Variants in MIA2 observed in about 807,000 individuals in gnomAD.
MIA2 encodes the protein melanoma inhibitory activity protein 2.
Under a neutral mutation model 167.8 loss-of-function variants are expected in MIA2, and 127 were observed. The observed-to-expected ratio is 0.76, with a 90% CI of 0.66 to 0.88. The LOEUF (loss-of-function observed/expected upper bound fraction) is 0.88. Among genes scored for constraint, MIA2 ranks in the 40% least tolerant of loss-of-function variants. The pLI, the probability that MIA2 is intolerant of heterozygous loss-of-function variation, is 0.00. For synonymous variants in MIA2, 552 were observed against 541.9 expected (o/e 1.02, Z -0.26); for missense variants, 1,690 against 1,624.7 (o/e 1.04, Z -0.69).
At chr14:39,249,068 T>C (rs1190934724) in intron 4 of MIA2, among the ~76,000 whole-genome samples, 3 of 152,176 alleles carry the variant, frequency 2.0e-5, no homozygotes, top group Non-Finnish European at 4.4e-5. Flanking sequence ...TAAATAGTTT[T>C]GATTATTAAA....
chr14:39,367,582 C>T (rs2074849531), intron 23 of MIA2, among the ~76,000 whole-genome samples: 1 of 152,254 alleles, frequency 6.6e-6, no homozygotes, highest in Non-Finnish European at 1.5e-5. Flanking sequence ...CCTTTTCCTA[C>T]ACTGGAGAGC....
intron 27 of MIA2, 83 bp from the exon 28 acceptor site, chr14:39,348,660 T>C: frequency 1.9e-6 from 3 of 1,548,424 alleles, no homozygotes; most frequent in Non-Finnish European, 2.7e-6. Flanking sequence ...TCTGTCTAGA[T>C]GATTTCTTCT....
chr14:39,264,140 A>G (rs1425806715), intron 6 of MIA2, among the ~76,000 whole-genome samples: 1 of 152,020 alleles, frequency 6.6e-6, no homozygotes, highest in Non-Finnish European at 1.5e-5. Context: ...TATTTTTCTC[A>G]TCTTTATGTC....
At chr14:39,315,142 A>C (rs1176980498) in intron 20 of MIA2, 2 of 167,306 alleles carry the variant, frequency 1.2e-5, no homozygotes, top group African/African-American at 4.9e-5. Context: ...AAAAAAAAAA[A>C]AAAATACAAA....
intron 23 of MIA2, among the ~76,000 whole-genome samples, chr14:39,369,936 A>G (rs1333497777): frequency 6.6e-6 from 1 of 152,208 alleles, no homozygotes; most frequent in Non-Finnish European, 1.5e-5. Flanking sequence ...AAGTTACACA[A>G]AATTGGGGGC....
chr14:39,339,736 G>A (rs946532241), intron 25 of MIA2, among the ~76,000 whole-genome samples: 3 of 152,186 alleles, frequency 2.0e-5, no homozygotes, highest in African/African-American at 7.2e-5. Flanking sequence ...CAGTACAGTA[G>A]CCACTAGGCA....
At chr14:39,265,244 C>A (rs1224428057) in intron 6 of MIA2, 6 of 658,574 alleles carry the variant, frequency 9.1e-6, no homozygotes, top group Non-Finnish European at 1.3e-5. Context: ...CCTGTAGCAC[C>A]CCTTTACCAC....
At chr14:39,300,056 T>A in intron 14 of MIA2, 70 bp downstream of exon 14, 1 of 1,539,186 alleles carries the variant, frequency 6.5e-7, no homozygotes, top group Non-Finnish European at 8.7e-7. Context: ...ATTTGAAAGC[T>A]AGTTTTTAGC....
intron 2 of MIA2, among the ~76,000 whole-genome samples, 162 bp from the exon 3 acceptor site, chr14:39,240,398 CA>C (rs1323160793): frequency 6.6e-6 from 1 of 152,120 alleles, no homozygotes; most frequent in African/African-American, 2.4e-5. Flanking sequence ...TTTTGAATAA[CA>C]AAAGAATATT....
intron 1 of MIA2, among the ~76,000 whole-genome samples, chr14:39,235,955 T>C (rs562404767): frequency 1.3e-5 from 2 of 152,288 alleles, no homozygotes; most frequent in South Asian, 2.1e-4. Flanking sequence ...TTTACATATG[T>C]TTGTATAATT....
At position 39,303,533 on chromosome 14, in the gene MIA2, T is replaced by C; in HGVS notation, c.2787+9T>C. 2 of 1,598,698 alleles carry C rather than the reference T, an allele frequency of 1.3e-6. No individual in the cohort carries two copies. The highest frequency in any genetic ancestry group is 1.7e-6 in the Non-Finnish European group (2 of 1,168,670). ...TGATTCATGCTGCTAAGGTTTGTGCTATTAGATACTTAAAAAGAATAAGGA... is the reference window on the plus strand; with the variant it reads ...TGATTCATGCTGCTAAGGTTTGTGCCATTAGATACTTAAAAAGAATAAGGA... On this transcript the variant is annotated intron_variant, in intron 16 of 28. Transcript: ENST00000640607.
intron 17 of MIA2, among the ~76,000 whole-genome samples, chr14:39,305,280 T>C (rs1398923634): frequency 1.3e-5 from 2 of 152,218 alleles, no homozygotes; most frequent in African/African-American, 4.8e-5. Flanking sequence ...ATGTAAAGCA[T>C]TGTACTAAAA....
At chr14:39,261,938 G>C (rs1006454999) in intron 6 of MIA2, among the ~76,000 whole-genome samples, 1 of 152,120 alleles carries the variant, frequency 6.6e-6, no homozygotes, top group Admixed American at 6.5e-5. Context: ...CATTCTGTAG[G>C]TTGCCTGTTC....
chr14:39,276,318 A>G (rs1419405241), intron 6 of MIA2: 2 of 152,236 alleles, frequency 1.3e-5, no homozygotes, highest in African/African-American at 2.4e-5. Flanking sequence ...TTTGGAGGAG[A>G]TAATATAAAT....
intron 9 of MIA2, among the ~76,000 whole-genome samples, chr14:39,280,506 G>A (rs2058751549): frequency 6.6e-6 from 1 of 152,098 alleles, no homozygotes; most frequent in Non-Finnish European, 1.5e-5. Context: ...GCTGAGGCGG[G>A]CAAATCACGA....
Position 39,237,219 on chromosome 14 carries a change from C to G in MIA2, c.249+164C>G, listed in dbSNP as rs555723756. On this transcript the variant is annotated intron_variant, in intron 2 of 28. Coordinates refer to ENST00000640607, the MANE Select transcript of MIA2 (RefSeq NM_001329214.4). ...CACTACAACTTCCAGCTTCCAACTC[C>G]TGAGCTCAAGCCATCCTCCCACCTC... is the stretch of plus-strand genomic sequence containing the variant. 7.2e-5 allele frequency: 56 copies of G among 782,526 alleles called. No individual in the cohort carries two copies. The East Asian group carries it at 1.5e-3, about 21-fold the overall frequency. 48.5% of individuals were successfully genotyped at this position (782,526 alleles called of 1,614,324 possible). A position where few individuals can be genotyped will look rare whatever the true frequency, so the allele number is the denominator to read the frequency against.
intron 23 of MIA2, among the ~76,000 whole-genome samples, chr14:39,380,522 A>AG (rs2075134276): frequency 2.0e-5 from 3 of 151,938 alleles, no homozygotes; most frequent in Admixed American, 2.0e-4. Flanking sequence ...GTGAAACCCT[A>AG]TCTCTACTAA....
At chr14:39,338,476 A>G (rs1256396677) in intron 25 of MIA2, among the ~76,000 whole-genome samples, 1 of 152,176 alleles carries the variant, frequency 6.6e-6, no homozygotes, top group Non-Finnish European at 1.5e-5. Context: ...ACACTCAGAT[A>G]AAGGGATAGT....
rs201332737 is a variant in MIA2, at chr14:39,246,985, T to C, written c.411T>C (p.Tyr137=). 7.7e-6 allele frequency: 12 copies of C among 1,558,596 alleles called. No homozygotes were observed. The East Asian group carries it at 2.2e-4, about 29-fold the overall frequency. The part of the protein sequence containing the change: ...DNEDSELNGD[Y]GENIYPYEED... ...AAGATAGTGAATTAAACGGTGATTA[T>C]GGTGAAAATATATATCCTTATGAAG... Residue 137 remains tyrosine, a synonymous_variant, in exon 4 of 29, where the codon TAT becomes TAC. Transcript: ENST00000640607.
Sources: allele counts gnomAD v4.1 joint callset (sites outside exome capture counted in the v4.1 genomes callset), GRCh38; gene constraint gnomAD v4.1.1; transcripts MANE v1.5; gene names NCBI Gene and HGNC (gene_info 2026-07-23, HGNC 2026-07-21).